The following TLR6 variants were observed in gnomAD, a reference collection of about 807,000 sequenced individuals.
TLR6 encodes the protein toll-like receptor 6.
In TLR6, 9 loss-of-function variants were observed where a neutral mutation model predicts 16.1. The ratio of observed to expected loss-of-function variants is 0.56; its 90% CI spans 0.34 to 0.98. TLR6 has a LOEUF of 0.98. Ranked by LOEUF, TLR6 falls within the 50% of genes least tolerant of loss-of-function variation. TLR6 has a pLI of 0.02. For synonymous variants in TLR6, 340 were observed against 338.6 expected (o/e 1.00, Z -0.04); for missense variants, 786 against 921.0 (o/e 0.85, Z 1.90).
rs142778430 is a variant in TLR6, at chr4:38,831,961, A to C, written c.-64-2424T>G. 6.2e-3 allele frequency among the ~76,000 whole-genome samples: 950 copies of C among 152,356 alleles called. 14 individuals carry two copies. The highest frequency in any genetic ancestry group is 0.021 in the African/African-American group (880 of 41,592). On this transcript the variant is annotated intron_variant, in intron 1 of 1. Transcript: ENST00000436693. ...TGCAGTTTCTTATAAAACTAAGCAT[A>C]GTCTTATCACACAATCCAGCAAATC...
chr4:38,840,558 C>T (rs1209839274), intron 1 of TLR6, among the ~76,000 whole-genome samples: 2 of 151,052 alleles, frequency 1.3e-5, no homozygotes, highest in African/African-American at 2.4e-5. Flanking sequence ...TGCTTAAACC[C>T]GGGAGGTGGA....
chr4:38,862,930 TAAAAAAAA>T, the TLR6 span, among the ~76,000 whole-genome samples: 3 of 83,112 alleles, frequency 3.6e-5, no homozygotes, highest in African/African-American at 9.9e-5. Context: ...TTCTCCCATC[TAAAAAAAA>T]AAAAAAAAAA....
At chr4:38,836,756 T>C (rs1045245848) in intron 1 of TLR6, among the ~76,000 whole-genome samples, 1 of 151,900 alleles carries the variant, frequency 6.6e-6, no homozygotes, top group African/African-American at 2.4e-5. Context: ...CTGGCCAACA[T>C]GGTGAAACCT....
In TLR6 at chr4:38,839,542, T is replaced by C. The variant is rs146917819; in HGVS notation, c.-64-10005A>G. On this transcript the variant is annotated intron_variant, in intron 1 of 1. Transcript: ENST00000436693. ...AAAAACTCCAAGACATACTCAGTAG[T>C]TTATACCAGTATCCAGTTTGGCACC... is the stretch of plus-strand genomic sequence containing the variant. Among the ~76,000 whole-genome samples the C allele has an allele frequency of 2.3e-4, 35 of 152,260 alleles. No homozygotes were observed. In the East Asian group the frequency reaches 6.4e-3, roughly 28 times the overall value.
exon 2 of TLR6, chr4:38,829,202 A>G: frequency 6.2e-7 from 1 of 1,614,188 alleles, no homozygotes; most frequent in Non-Finnish European, 8.5e-7. Flanking sequence ...ACTTAAATCA[A>G]GTAGCTGGAT....
At chr4:38,827,282 A>G in exon 2 of TLR6, 1 of 1,614,140 alleles carries the variant, frequency 6.2e-7, no homozygotes, top group Non-Finnish European at 8.5e-7. Flanking sequence ...GATGAGGATT[A>G]AGTTATTAGA....
chr4:38,840,633 CAAAAAA>C (rs377719537), intron 1 of TLR6, among the ~76,000 whole-genome samples: 1 of 107,238 alleles, frequency 9.3e-6, no homozygotes. Flanking sequence ...GACTCCCTCT[CAAAAAA>C]AAAAAAAAAA....
intron 1 of TLR6, among the ~76,000 whole-genome samples, chr4:38,839,294 T>C (rs1712123971): frequency 2.1e-5 from 3 of 145,666 alleles, no homozygotes; most frequent in Admixed American, 2.0e-4. Flanking sequence ...AAAAATAAAG[T>C]CTATTGATTT....
At chr4:38,853,381 AT>A (rs138455266) in intron 1 of TLR6, among the ~76,000 whole-genome samples, 29,775 of 150,784 alleles carry the variant, frequency 0.2, 3,647 homozygotes, top group Non-Finnish European at 0.28. Context: ...AAGTATAATA[AT>A]AAAAAAAAAA....
At chr4:38,847,678 G>A (rs985123570) in intron 1 of TLR6, among the ~76,000 whole-genome samples, 16 of 152,166 alleles carry the variant, frequency 1.1e-4, no homozygotes, top group Admixed American at 9.2e-4. Flanking sequence ...ACGGAGCCTC[G>A]CTCATTGCTA....
At chr4:38,859,861 C>T (rs1396581864), upstream of TLR6, among the ~76,000 whole-genome samples, 5 of 151,982 alleles carry the variant, frequency 3.3e-5, no homozygotes, top group South Asian at 2.1e-4. Flanking sequence ...CCACCCCGCC[C>T]GGCCTCTTCA....
At chr4:38,827,769 C>T in exon 2 of TLR6, 2 of 1,614,234 alleles carry the variant, frequency 1.2e-6, no homozygotes, top group East Asian at 2.2e-5. Flanking sequence ...AGTGGGCTTC[C>T]TCTATAACTT....
At chr4:38,853,382 T>A (rs533968430) in intron 1 of TLR6, among the ~76,000 whole-genome samples, 4,149 of 94,412 alleles carry the variant, frequency 0.044, 167 homozygotes, top group African/African-American at 0.11. Flanking sequence ...AGTATAATAA[T>A]AAAAAAAAAA....
chr4:38,837,918 A>G (rs966132786), intron 1 of TLR6, among the ~76,000 whole-genome samples: 2 of 152,222 alleles, frequency 1.3e-5, no homozygotes, highest in Non-Finnish European at 2.9e-5. Context: ...TAATAATCCT[A>G]TGAAAAAGTA....
chr4:38,826,965 A>T, exon 2 of TLR6: 2 of 847,004 alleles, frequency 2.4e-6, no homozygotes, highest in African/African-American at 1.7e-5. Flanking sequence ...TGTTTTTGTT[A>T]AGTCTTTCCT....
intron 1 of TLR6, among the ~76,000 whole-genome samples, chr4:38,842,452 G>A (rs1003072523): frequency 6.6e-6 from 1 of 152,192 alleles, no homozygotes; most frequent in Admixed American, 6.5e-5. Context: ...GCCTTGCTGG[G>A]GGCTGGTAGC....
chr4:38,850,484 A>C (rs1164953233), intron 1 of TLR6, among the ~76,000 whole-genome samples: 1 of 152,224 alleles, frequency 6.6e-6, no homozygotes, highest in Non-Finnish European at 1.5e-5. Flanking sequence ...GACCTCTAGC[A>C]AGACTAATAA....
At chr4:38,827,937 C>G in exon 2 of TLR6, 1 of 1,614,182 alleles carries the variant, frequency 6.2e-7, no homozygotes, top group East Asian at 2.2e-5. Context: ...TGGAAGAAAT[C>G]AGCCGATGGG....
exon 2 of TLR6, chr4:38,824,355 G>C (rs1211589233): frequency 6.6e-6 from 1 of 152,256 alleles, no homozygotes; most frequent in Non-Finnish European, 1.5e-5. Context: ...TGTGTTCTGT[G>C]AAGAAAAGAA....
Sources: allele counts gnomAD v4.1 joint callset (sites outside exome capture counted in the v4.1 genomes callset), GRCh38; gene constraint gnomAD v4.1.1; transcripts MANE v1.5; gene names NCBI Gene and HGNC (gene_info 2026-07-23, HGNC 2026-07-21).